The following PIWIL3 variants were observed in gnomAD, a reference collection of about 807,000 sequenced individuals.
PIWIL3 encodes piwi-like protein 3.
Under a neutral mutation model 109.7 loss-of-function variants are expected in PIWIL3, and 101 were observed. That is an observed-to-expected ratio of 0.92 (90% CI 0.78 to 1.09). The LOEUF is 1.09. Among genes scored for constraint, PIWIL3 ranks in the 50% least tolerant of loss-of-function variants. The pLI is 0.00. For missense variants in PIWIL3, 1,031 were observed against 1,072.6 expected (o/e 0.96, Z 0.54); for synonymous variants, 373 against 376.4 (o/e 0.99, Z 0.10).
In PIWIL3 at chr22:24,741,102, A is replaced by C. The variant is rs114946257; in HGVS notation, c.1450-5210T>G. ...TGTACCAGGGATACAGGGATGGTTT[A>C]AAATATGCAAGTCAATAAACGTGCT... On this transcript the variant is annotated intron_variant, in intron 12 of 20. Transcript: ENST00000616349. Among the ~76,000 whole-genome samples the C allele has an allele frequency of 9.9e-3, 1,508 of 152,344 alleles. 27 individuals carry two copies. The highest frequency in any genetic ancestry group is 0.034 in the African/African-American group (1,411 of 41,584).
chr22:24,768,544 G>T (rs887692833), intron 1 of PIWIL3, among the ~76,000 whole-genome samples: 1 of 152,102 alleles, frequency 6.6e-6, no homozygotes. Context: ...GAGCCCCCAC[G>T]CCTGGCCTGT....
rs755257321 is a variant in PIWIL3 at position 24,751,515 on chromosome 22, A to G, written c.978-17T>C. The G allele has an allele frequency of 6.9e-6, 11 of 1,604,116 alleles. No homozygotes were observed. Among genetic ancestry groups the G allele is most frequent in the Non-Finnish European group, 8.5e-6 (10 of 1,177,374 alleles). The stretch of plus-strand genomic sequence containing the variant: ...TTGTTGTATCTGTGGAATAATTACA[A>G]TATGGTATTATTTGACTTATTCATC... On this transcript the variant is annotated splice_polypyrimidine_tract_variant and intron_variant, in intron 8 of 20. Transcript: ENST00000616349.
chr22:24,734,100 C>A lies in PIWIL3; in HGVS notation c.1691G>T (p.Arg564Ile), dbSNP rs912648757. 8.7e-6 allele frequency: 14 copies of A among 1,612,058 alleles called. No homozygotes were observed. Among genetic ancestry groups the A allele is most frequent in the Middle Eastern group, 1.7e-4 (1 of 5,976 alleles). Residue 564 changes from arginine to isoleucine, a missense_variant, in exon 14 of 21, where the codon AGA becomes ATA. Physicochemically the swap from Arg to Ile is moderately conservative, Grantham distance 97 (BLOSUM62 -3). Coordinates refer to ENST00000616349, the MANE Select transcript of PIWIL3 (RefSeq NM_001255975.1). ...SYIDTLRKYT[R>I]PTLQMVICIL... ...GACACTTACCATCTGCAGTGTTGGTCTAGTATATTTCCGTAATGTGTCTAT... is the reference window on the plus strand; with the variant it reads ...GACACTTACCATCTGCAGTGTTGGTATAGTATATTTCCGTAATGTGTCTAT...
In PIWIL3 at chr22:24,760,016, T is replaced by C. The variant is rs149379153; in HGVS notation, c.103-27A>G. The C allele has an allele frequency of 1.1e-4, 174 of 1,613,042 alleles. No homozygotes were observed. In the East Asian group the frequency reaches 3.8e-3, roughly 36 times the overall value. On this transcript the variant is annotated intron_variant, in intron 2 of 20. Coordinates refer to ENST00000616349, the MANE Select transcript of PIWIL3 (RefSeq NM_001255975.1). ...TGCATGTTTTTGGAAATAGAAATAA[T>C]GAGCAGTGCCCTACTGTGTTCATTC...
At chr22:24,728,515 G>A (rs368421414) in intron 14 of PIWIL3, 141 bp from the exon 15 acceptor site, 1 of 862,708 alleles carries the variant, frequency 1.2e-6, no homozygotes, top group Non-Finnish European at 1.8e-6. Flanking sequence ...GCCCAAGAGG[G>A]CGAAGGGTCT....
chr22:24,771,669 C>T (rs1248599873), intron 1 of PIWIL3, among the ~76,000 whole-genome samples: 6 of 151,758 alleles, frequency 4.0e-5, no homozygotes, highest in African/African-American at 1.5e-4. Context: ...AGTTGCTATT[C>T]TATAATTTTT....
chr22:24,755,919 AAAAC>A lies in PIWIL3; in HGVS notation c.571-18_571-15del, dbSNP rs1195534820. On this transcript the variant is annotated splice_polypyrimidine_tract_variant and intron_variant, in intron 5 of 20. Transcript: ENST00000616349. ...CCATTCCACTCTCTGAGATTAAAAA[AAAAC>A]AAAAAAAAAAGTCCAGATATTCTTC... The A allele has an allele frequency of 3.2e-6, 5 of 1,583,514 alleles. No homozygotes were observed. Among genetic ancestry groups the A allele is most frequent in the Non-Finnish European group, 4.3e-6 (5 of 1,169,820 alleles).
Position 24,762,393 on chromosome 22 carries a change from C to T in PIWIL3, c.102+5G>A. The T allele has an allele frequency of 6.2e-7, 1 of 1,611,256 alleles. No individual in the cohort carries two copies. The highest frequency in any genetic ancestry group is 1.7e-5 in the Admixed American group (1 of 59,306). The stretch of plus-strand genomic sequence containing the variant: ...GCAGAAAGGAAACAACGTTACAGGG[C>T]TCACTGTAGCTGATCCAGGTGCTCT... On this transcript the variant is annotated splice_donor_5th_base_variant and intron_variant, in intron 2 of 20. Coordinates refer to ENST00000616349, the MANE Select transcript of PIWIL3 (RefSeq NM_001255975.1).
chr22:24,763,595 C>G (rs552197085), intron 1 of PIWIL3, among the ~76,000 whole-genome samples: 1 of 152,226 alleles, frequency 6.6e-6, no homozygotes, highest in African/African-American at 2.4e-5. Flanking sequence ...CCACCGTGCT[C>G]GGCCAAACTT....
intron 3 of PIWIL3, among the ~76,000 whole-genome samples, chr22:24,759,080 G>T (rs111599616): frequency 0.075 from 11,443 of 152,244 alleles, 594 homozygotes; most frequent in Non-Finnish European, 0.11. Flanking sequence ...TTTTGGTAAA[G>T]ATGGGATTTT....
intron 14 of PIWIL3, among the ~76,000 whole-genome samples, chr22:24,731,659 AAAAAG>A (rs939488292): frequency 6.6e-6 from 1 of 152,132 alleles, no homozygotes; most frequent in Non-Finnish European, 1.5e-5. Flanking sequence ...CAAAAAAAAA[AAAAAG>A]AAAAGTTAAT....
rs192199878 is a variant in PIWIL3, at chr22:24,758,400, A to G, written c.224-361T>C. The stretch of plus-strand genomic sequence containing the variant: ...TCATAAAATGCCAAATAAGCCAATC[A>G]TTTAAAAAATCTATAAAACTGGCTT... On this transcript the variant is annotated intron_variant, in intron 3 of 20. Transcript: ENST00000616349. Among the ~76,000 whole-genome samples, 329 of 152,356 alleles carry G rather than the reference A, an allele frequency of 2.2e-3. 1 individual carries two copies. Among genetic ancestry groups the G allele is most frequent in the African/African-American group, 7.6e-3 (318 of 41,582 alleles).
intron 12 of PIWIL3, among the ~76,000 whole-genome samples, chr22:24,745,324 T>C (rs1924289146): frequency 6.6e-6 from 1 of 152,130 alleles, no homozygotes; most frequent in Non-Finnish European, 1.5e-5. Context: ...AAGCCAGATG[T>C]GGTGTCTCAC....
At position 24,719,569 on chromosome 22, in the gene PIWIL3, G is replaced by A. The variant is rs144831199; in HGVS notation, c.2525C>T (p.Ala842Val). Residue 842 changes from alanine to valine, a missense_variant, in exon 21 of 21, where the codon GCG (alanine) becomes GTG (valine). Coordinates refer to ENST00000616349, the MANE Select transcript of PIWIL3 (RefSeq NM_001255975.1). ...CAGCTTGTGGGCATAGTGGCAAGGC[G>A]CTGGAACTCGGATGATGCCCTTTAG... is the stretch of plus-strand genomic sequence containing the variant. ...YNLPGIIRVPAPCHYAHKLAY... is the reference protein window; with the variant it reads ...YNLPGIIRVPVPCHYAHKLAY... The A allele has an allele frequency of 3.8e-6, 6 of 1,599,448 alleles. No individual in the cohort carries two copies. The highest frequency in any genetic ancestry group is 2.7e-5 in the African/African-American group (2 of 73,994).
At chr22:24,766,254 T>C (rs1373157639) in intron 1 of PIWIL3, among the ~76,000 whole-genome samples, 1 of 152,072 alleles carries the variant, frequency 6.6e-6, no homozygotes, top group African/African-American at 2.4e-5. Flanking sequence ...CCCGAATTTC[T>C]GGGATTACAG....
intron 5 of PIWIL3, 92 bp downstream of exon 5, chr22:24,756,399 C>A: frequency 1.5e-6 from 2 of 1,290,826 alleles, no homozygotes; most frequent in East Asian, 2.5e-5. Flanking sequence ...GATGTCTCAA[C>A]AAACAACTGC....
At chr22:24,772,397 G>T (rs982234171) in intron 1 of PIWIL3, among the ~76,000 whole-genome samples, 2 of 152,170 alleles carry the variant, frequency 1.3e-5, no homozygotes, top group Non-Finnish European at 2.9e-5. Flanking sequence ...AACCTTTGTG[G>T]AATCATAGCC....
intron 8 of PIWIL3, among the ~76,000 whole-genome samples, chr22:24,752,588 G>A (rs1924776564): frequency 1.3e-5 from 2 of 151,898 alleles, no homozygotes; most frequent in African/African-American, 2.4e-5. Flanking sequence ...CTGCAAGGGG[G>A]CACTTTTCTC....
chr22:24,748,774 C>A, intron 12 of PIWIL3, 133 bp downstream of exon 12: 1 of 652,710 alleles, frequency 1.5e-6, no homozygotes. Context: ...TTCTTATTGG[C>A]TCAATATAGA....
Sources: gnomAD v4.1 joint callset for allele counts (sites outside exome capture counted in the v4.1 genomes callset) on GRCh38, gnomAD v4.1.1 for gene constraint, MANE v1.5 for transcripts, NCBI Gene and HGNC (gene_info 2026-07-23, HGNC 2026-07-21) for gene names.